Variants in BCAS3 observed in about 807,000 individuals in gnomAD.
BCAS3 encodes BCAS3 microtubule associated cell migration factor, also known as BCAS4/BCAS3 fusion.
Under a neutral mutation model 116.1 loss-of-function variants are expected in BCAS3, and 53 were observed. The ratio of observed to expected loss-of-function variants is 0.46; its 90% CI spans 0.37 to 0.57. The LOEUF (loss-of-function observed/expected upper bound fraction) is 0.57. Among genes scored for constraint, BCAS3 ranks in the 20% least tolerant of loss-of-function variants. BCAS3 has a pLI of 0.00. For missense variants in BCAS3, 917 were observed against 1,165.4 expected (o/e 0.79, Z 3.10); for synonymous variants, 391 against 408.2 (o/e 0.96, Z 0.51).
intron 6 of BCAS3, among the ~76,000 whole-genome samples, chr17:60,806,054 T>A (rs12103700): frequency 4.6e-5 from 7 of 151,154 alleles, no homozygotes; most frequent in African/African-American, 1.2e-4. Flanking sequence ...TTTTTTTTTT[T>A]AAACTAGAGA....
At chr17:61,255,883 C>A (rs1242296048) in intron 22 of BCAS3, among the ~76,000 whole-genome samples, 1 of 152,152 alleles carries the variant, frequency 6.6e-6, no homozygotes, top group Non-Finnish European at 1.5e-5. Flanking sequence ...GGCTGGACTT[C>A]AAGGTGGATG....
intron 4 of BCAS3, among the ~76,000 whole-genome samples, chr17:60,701,283 T>A (rs368113557): frequency 3.3e-5 from 5 of 152,076 alleles, no homozygotes; most frequent in African/African-American, 1.2e-4. Flanking sequence ...AGGAGAGCGA[T>A]GAAATCAAGT....
At chr17:61,338,064 G>A (rs2056861612) in intron 22 of BCAS3, among the ~76,000 whole-genome samples, 1 of 152,184 alleles carries the variant, frequency 6.6e-6, no homozygotes, top group African/African-American at 2.4e-5. Flanking sequence ...GACTAACCCT[G>A]GGCCCGGCTT....
rs986442092 is a variant in BCAS3, at chr17:61,241,962, C to G, written c.2426-126365C>G. ...TAAGTATATCTGGGACCAGAAATGG[C>G]TCTTGTTATCCAAGGTAAAGAATCC... On this transcript the variant is annotated intron_variant, in intron 22 of 23. Transcript: ENST00000407086. The surrounding 1 kb of genome is among the most constrained non-coding windows in gnomAD (Gnocchi z 4.6). 6.6e-6 allele frequency among the ~76,000 whole-genome samples: 1 copy of G among 152,068 alleles called. No individual in the cohort carries two copies. Among genetic ancestry groups the G allele is most frequent in the African/African-American group, 2.4e-5 (1 of 41,406 alleles).
intron 16 of BCAS3, chr17:61,016,912 G>A (rs1600497770): frequency 6.6e-6 from 1 of 152,122 alleles, no homozygotes; most frequent in African/African-American, 2.4e-5. Context: ...TGAGCTCCAG[G>A]TATCACCACA....
chr17:61,195,214 T>C (rs982056986), intron 22 of BCAS3, among the ~76,000 whole-genome samples: 3 of 152,264 alleles, frequency 2.0e-5, no homozygotes, highest in African/African-American at 2.4e-5. Flanking sequence ...GGATACAGTA[T>C]GTGAAAGCTG....
At chr17:61,061,552 C>T (rs1037974153) in intron 19 of BCAS3, among the ~76,000 whole-genome samples, 12 of 152,062 alleles carry the variant, frequency 7.9e-5, no homozygotes, top group Admixed American at 2.0e-4. Flanking sequence ...ATGGGTACAT[C>T]GATTACTGCA....
intron 6 of BCAS3, among the ~76,000 whole-genome samples, chr17:60,792,966 TATCTC>T (rs201891183): frequency 0.03 from 4,634 of 152,278 alleles, 204 homozygotes; most frequent in African/African-American, 0.1. Flanking sequence ...CTGTGTTAGA[TATCTC>T]ATCTCAGTGG....
At chr17:60,903,600 G>A (rs2058035222) in intron 11 of BCAS3, among the ~76,000 whole-genome samples, 1 of 152,014 alleles carries the variant, frequency 6.6e-6, no homozygotes, top group African/African-American at 2.4e-5. Context: ...GGCGCATGCC[G>A]CCACGCCTGG....
chr17:60,829,814 A>T (rs2050758140), intron 7 of BCAS3, among the ~76,000 whole-genome samples: 2 of 152,178 alleles, frequency 1.3e-5, no homozygotes. Flanking sequence ...AGAACAATGT[A>T]GTAAATGTGT....
intron 22 of BCAS3, among the ~76,000 whole-genome samples, chr17:61,338,333 T>G (rs2056879535): frequency 6.6e-6 from 1 of 152,210 alleles, no homozygotes. Context: ...AATAAGCAAA[T>G]TCAGCAGATT....
chr17:60,728,519 G>A (rs112555583), intron 5 of BCAS3, among the ~76,000 whole-genome samples: 5,107 of 151,202 alleles, frequency 0.034, 246 homozygotes, highest in African/African-American at 0.11. Context: ...TCACTTTGTC[G>A]CCTAGGCTGG....
chr17:60,974,984 T>G (rs1047537411), intron 14 of BCAS3, among the ~76,000 whole-genome samples: 1 of 139,204 alleles, frequency 7.2e-6, no homozygotes, highest in Non-Finnish European at 1.5e-5. Context: ...TTTTTTTTGT[T>G]TTTTTTGCTT....
At chr17:60,788,049 G>A (rs1426094118) in intron 6 of BCAS3, among the ~76,000 whole-genome samples, 6 of 152,040 alleles carry the variant, frequency 3.9e-5, no homozygotes, top group Middle Eastern at 3.4e-3. Context: ...AGTGCTTTGC[G>A]TATATTATCT....
intron 22 of BCAS3, among the ~76,000 whole-genome samples, chr17:61,335,984 C>A (rs539505040): frequency 6.6e-6 from 1 of 152,258 alleles, no homozygotes; most frequent in Non-Finnish European, 1.5e-5. Flanking sequence ...GCCAGCCCCC[C>A]ACCTCGGGGA....
chr17:61,292,565 T>A (rs1443678137), intron 22 of BCAS3, among the ~76,000 whole-genome samples: 1 of 152,010 alleles, frequency 6.6e-6, no homozygotes, highest in Non-Finnish European at 1.5e-5. Context: ...GGCATGAGAA[T>A]CGCTTGAACC....
In BCAS3 at chr17:60,718,037, C is replaced by T. The variant is rs192406181; in HGVS notation, c.321+8712C>T. The stretch of plus-strand genomic sequence containing the variant: ...CACATGCGCGGTTCACGTTAGGGTT[C>T]GCGCGCCTATGATAATCTAATGCTG... On this transcript the variant is annotated intron_variant, in intron 5 of 23. Coordinates refer to ENST00000407086, the MANE Select transcript of BCAS3 (RefSeq NM_017679.5). 4.6e-5 allele frequency among the ~76,000 whole-genome samples: 7 copies of T among 152,258 alleles called. No individual in the cohort carries two copies. The East Asian group carries it at 5.8e-4, about 13-fold the overall frequency.
At chr17:60,715,057 G>T (rs1245809401) in intron 5 of BCAS3, among the ~76,000 whole-genome samples, 1 of 150,508 alleles carries the variant, frequency 6.6e-6, no homozygotes, top group Non-Finnish European at 1.5e-5. Flanking sequence ...AATTATCTTT[G>T]TATATATTTT....
rs563770778 is a variant in BCAS3 at position 61,239,424 on chromosome 17, C to A, written c.2426-128903C>A. 4.6e-5 allele frequency among the ~76,000 whole-genome samples: 7 copies of A among 152,258 alleles called. No individual in the cohort carries two copies. In the South Asian group the frequency reaches 1.5e-3, roughly 32 times the overall value. On this transcript the variant is annotated intron_variant, in intron 22 of 23. Transcript: ENST00000407086. This position sits in a 1 kb window ranked among gnomAD's most constrained non-coding sequence, Gnocchi z 4.2. ...TTTGTTTTTAATTCAATTTGCAAAG[C>A]CTCTAGCAGATAGTTCTGAAACCTT... is the stretch of plus-strand genomic sequence containing the variant.
Sources: gnomAD v4.1 joint callset for allele counts (sites outside exome capture counted in the v4.1 genomes callset) on GRCh38, gnomAD v4.1.1 for gene constraint, Gnocchi (gnomAD v3.1) non-coding constraint, MANE v1.5 for transcripts, NCBI Gene and HGNC (gene_info 2026-07-23, HGNC 2026-07-21) for gene names.